The following MAGI2 variants were observed in gnomAD, a reference collection of about 807,000 sequenced individuals.
MAGI2 encodes the protein membrane associated guanylate kinase, WW and PDZ domain containing 2, also known as membrane-associated guanylate kinase, WW and PDZ domain-containing protein 2.
A neutral mutation model predicts 133.3 loss-of-function variants in MAGI2; 35 were observed. The ratio of observed to expected loss-of-function variants is 0.26; its 90% CI spans 0.20 to 0.35. The LOEUF (loss-of-function observed/expected upper bound fraction) is 0.35. MAGI2 is among the 10% of genes least tolerant of loss of function. The pLI is 1.00. For missense variants in MAGI2, 1,636 were observed against 1,863.4 expected (o/e 0.88, Z 2.25); for synonymous variants, 729 against 710.6 (o/e 1.03, Z -0.41).
chr7:79,407,611 T>A (rs1845893526), intron 1 of MAGI2, among the ~76,000 whole-genome samples: 1 of 152,128 alleles, frequency 6.6e-6, no homozygotes, highest in South Asian at 2.1e-4. Flanking sequence ...AACATTGCTA[T>A]GAGCTTGTAT....
At chr7:78,747,378 A>G (rs1356495919) in intron 2 of MAGI2, among the ~76,000 whole-genome samples, 1 of 152,210 alleles carries the variant, frequency 6.6e-6, no homozygotes, top group African/African-American at 2.4e-5. Flanking sequence ...TGAATCATTT[A>G]TTCATGTTTG....
At chr7:78,836,033 G>A (rs9791886) in intron 2 of MAGI2, among the ~76,000 whole-genome samples, 50,095 of 151,998 alleles carry the variant, frequency 0.33, 8,911 homozygotes, top group East Asian at 0.71. Context: ...ATGGCAAAAG[G>A]AACAGTAATG....
intron 9 of MAGI2, among the ~76,000 whole-genome samples, chr7:78,260,035 C>T (rs568514270): frequency 1.3e-5 from 2 of 152,162 alleles, no homozygotes; most frequent in East Asian, 1.9e-4. Context: ...TATGAAGATA[C>T]GTAGAAGATT....
intron 6 of MAGI2, among the ~76,000 whole-genome samples, chr7:78,428,202 T>C (rs1380675784): frequency 6.6e-6 from 1 of 152,146 alleles, no homozygotes; most frequent in East Asian, 1.9e-4. Context: ...TTGATATTGC[T>C]ATGGAGGAAT....
chr7:78,429,978 T>C (rs1308094210), intron 6 of MAGI2, among the ~76,000 whole-genome samples: 1 of 152,118 alleles, frequency 6.6e-6, no homozygotes, highest in Non-Finnish European at 1.5e-5. Context: ...GGATCCAGAA[T>C]CCCTTTTCCT....
At chr7:79,160,985 C>A (rs1265393349) in intron 1 of MAGI2, among the ~76,000 whole-genome samples, 2 of 151,804 alleles carry the variant, frequency 1.3e-5, no homozygotes. Context: ...ACTGGGAATC[C>A]CAAACTCCTT....
At chr7:78,597,858 CTG>C (rs1415758974) in intron 3 of MAGI2, among the ~76,000 whole-genome samples, 1 of 69,682 alleles carries the variant, frequency 1.4e-5, no homozygotes, top group Non-Finnish European at 3.3e-5. Flanking sequence ...ATCTGGCAAA[CTG>C]TTTTTTTTTT....
chr7:78,564,213 A>G (rs1249759248), intron 3 of MAGI2, among the ~76,000 whole-genome samples: 1 of 152,186 alleles, frequency 6.6e-6, no homozygotes, highest in African/African-American at 2.4e-5. Context: ...CTGGGGAGTG[A>G]GGCTAGGCTC....
At chr7:78,496,018 T>C (rs1794057938) in intron 5 of MAGI2, among the ~76,000 whole-genome samples, 1 of 152,190 alleles carries the variant, frequency 6.6e-6, no homozygotes, top group South Asian at 2.1e-4. Flanking sequence ...TGTTGCTGCA[T>C]ACCAAAAATT....
At chr7:78,923,156 T>A (rs1315427086) in intron 2 of MAGI2, among the ~76,000 whole-genome samples, 1 of 152,200 alleles carries the variant, frequency 6.6e-6, no homozygotes, top group Non-Finnish European at 1.5e-5. Flanking sequence ...CTGTTCACAC[T>A]GATGGTAGTT....
chr7:79,011,630 A>G (rs1336144925), intron 1 of MAGI2, among the ~76,000 whole-genome samples: 2 of 152,160 alleles, frequency 1.3e-5, no homozygotes, highest in East Asian at 1.9e-4. Context: ...TAGGGGTTAA[A>G]TAGAGAGGGG....
At chr7:79,323,713 GAAGT>G (rs1420974562) in intron 1 of MAGI2, among the ~76,000 whole-genome samples, 3 of 152,218 alleles carry the variant, frequency 2.0e-5, no homozygotes, top group Admixed American at 1.3e-4. Context: ...AAAGGGGTTA[GAAGT>G]GGGTAAGATG....
At chr7:78,701,250 GTTGGT>G (rs1444490354) in intron 2 of MAGI2, among the ~76,000 whole-genome samples, 1 of 151,836 alleles carries the variant, frequency 6.6e-6, no homozygotes, top group African/African-American at 2.4e-5. Context: ...TAAACATCTG[GTTGGT>G]TTGATCAGAC....
intron 6 of MAGI2, among the ~76,000 whole-genome samples, chr7:78,453,700 T>C (rs1384508374): frequency 6.6e-6 from 1 of 152,190 alleles, no homozygotes; most frequent in Non-Finnish European, 1.5e-5. Flanking sequence ...GCTAAACTCT[T>C]CATAGACATT....
intron 1 of MAGI2, among the ~76,000 whole-genome samples, chr7:79,239,441 G>A (rs917308232): frequency 3.3e-5 from 5 of 152,102 alleles, no homozygotes; most frequent in African/African-American, 1.2e-4. Flanking sequence ...ACTGATCAAT[G>A]GTTTCAACAA....
chr7:79,126,410 C>T (rs1407745593), intron 1 of MAGI2, among the ~76,000 whole-genome samples: 1 of 152,142 alleles, frequency 6.6e-6, no homozygotes, highest in African/African-American at 2.4e-5. Context: ...TTTCCCAAGG[C>T]TGCTTGGTGT....
chr7:78,409,448 C>T (rs542723284), intron 6 of MAGI2, among the ~76,000 whole-genome samples: 107 of 152,224 alleles, frequency 7.0e-4, no homozygotes, highest in African/African-American at 2.3e-3. Context: ...CCTGCGCTTT[C>T]GCACTGTACT....
At chr7:78,455,309 T>C (rs1393143105) in intron 6 of MAGI2, among the ~76,000 whole-genome samples, 1 of 152,196 alleles carries the variant, frequency 6.6e-6, no homozygotes. Context: ...TCTGTTGTTA[T>C]ACTGGTTTCT....
chr7:78,019,685 C>T lies in MAGI2; in HGVS notation c.3998G>A (p.Gly1333Asp). ...GCCGGCCTCGGGCCGCCCCTGGCCGCCGGGCGCCTCCTCGAGCCTCGGCCG... is the reference window on the plus strand; with the variant it reads ...GCCGGCCTCGGGCCGCCCCTGGCCGTCGGGCGCCTCCTCGAGCCTCGGCCG... ...AARPRLEEAP[G>D]GQGRPEAGRP... Residue 1333 changes from glycine to aspartate, a missense_variant, in exon 22 of 22, where the codon GGC becomes GAC. Gly to Asp is a moderately conservative substitution (Grantham distance 94). Transcript: ENST00000354212. 1 of 1,474,284 alleles carries T rather than the reference C, an allele frequency of 6.8e-7. No homozygotes were observed. 91.3% of individuals were successfully genotyped at this position (1,474,284 alleles called of 1,614,324 possible). A position where few individuals can be genotyped will look rare whatever the true frequency, so the allele number is the denominator to read the frequency against.
Sources: gnomAD v4.1 joint callset for allele counts (sites outside exome capture counted in the v4.1 genomes callset) on GRCh38, gnomAD v4.1.1 for gene constraint, MANE v1.5 for transcripts, NCBI Gene and HGNC (gene_info 2026-07-23, HGNC 2026-07-21) for gene names.